Variants in OIP5 observed in about 807,000 individuals in gnomAD.
OIP5 encodes Opa interacting protein 5.
In OIP5, 24 loss-of-function variants were observed where a neutral mutation model predicts 20.3. That is an observed-to-expected ratio of 1.18 (90% CI 0.86 to 1.66). The LOEUF (loss-of-function observed/expected upper bound fraction) is 1.66. Ranked by LOEUF, OIP5 falls within the 40% of genes most tolerant of loss-of-function variation. OIP5 has a pLI of 0.00. For synonymous variants in OIP5, 143 were observed against 121.3 expected (o/e 1.18, Z -1.17); for missense variants, 339 against 289.5 (o/e 1.17, Z -1.24).
intron 2 of OIP5, among the ~76,000 whole-genome samples, chr15:41,321,916 T>G (rs920023319): frequency 3.0e-5 from 4 of 132,888 alleles, no homozygotes; most frequent in African/African-American, 6.2e-5. Flanking sequence ...CCAAGAATGA[T>G]CAATAAAAAA....
intron 3 of OIP5, 103 bp from the exon 4 acceptor site, chr15:41,313,457 T>C: frequency 1.6e-6 from 1 of 636,904 alleles, no homozygotes; most frequent in Non-Finnish European, 2.7e-6. Flanking sequence ...AAAGCCTGGC[T>C]TCTTAATGAT....
In OIP5 at chr15:41,313,367, A is replaced by C. The variant is rs781409805; in HGVS notation, c.513-13T>G. 7 of 1,418,132 alleles carry C rather than the reference A, an allele frequency of 4.9e-6. No homozygotes were observed. The highest frequency in any genetic ancestry group is 5.9e-6 in the Non-Finnish European group (6 of 1,011,296). 87.8% of individuals were successfully genotyped at this position (1,418,132 alleles called of 1,614,324 possible). On this transcript the variant is annotated splice_polypyrimidine_tract_variant and intron_variant, in intron 3 of 4. Transcript: ENST00000220514. ...TTTTAAGAGATAGCTAGATAGGAAA[A>C]AAGAAAAATATTAGTGTCATACCAT...
At chr15:41,329,355 G>A (rs1362244772) in intron 2 of OIP5, among the ~76,000 whole-genome samples, 1 of 141,118 alleles carries the variant, frequency 7.1e-6, no homozygotes, top group Non-Finnish European at 1.5e-5. Context: ...TCGATCTGTC[G>A]TCCAGGCTGG....
intron 2 of OIP5, among the ~76,000 whole-genome samples, chr15:41,321,299 TG>T (rs1047926596): frequency 1.5e-5 from 2 of 132,932 alleles, no homozygotes; most frequent in Non-Finnish European, 3.2e-5. Context: ...TGGAGGGAGG[TG>T]GGGGGGTCAG....
In OIP5 at chr15:41,312,776, G is replaced by A. The variant is rs142572063; in HGVS notation, c.594+497C>T. Among the ~76,000 whole-genome samples, 606 of 152,000 alleles carry A rather than the reference G, an allele frequency of 4.0e-3. 4 individuals are homozygous for A. The highest frequency in any genetic ancestry group is 0.014 in the African/African-American group (579 of 41,454). ...CCCGAGTAGCTGGGACTACAGGCAC[G>A]TGCCACCACGCCCGGCTAATTTTTT... is the stretch of plus-strand genomic sequence containing the variant. On this transcript the variant is annotated intron_variant, in intron 4 of 4. Coordinates refer to ENST00000220514, the MANE Select transcript of OIP5 (RefSeq NM_007280.2).
chr15:41,327,377 C>A (rs902435198), intron 2 of OIP5, among the ~76,000 whole-genome samples: 2 of 151,938 alleles, frequency 1.3e-5, no homozygotes, highest in African/African-American at 4.8e-5. Context: ...TGGGGTTTCG[C>A]TATGTCATCC....
chr15:41,314,024 T>C (rs1337774216), intron 3 of OIP5, among the ~76,000 whole-genome samples: 9 of 152,130 alleles, frequency 5.9e-5, no homozygotes, highest in Admixed American at 5.9e-4. Flanking sequence ...ACTTCATCAG[T>C]AGGATCCTGT....
intron 2 of OIP5, among the ~76,000 whole-genome samples, chr15:41,331,478 G>T (rs1405273996): frequency 6.6e-6 from 1 of 152,156 alleles, no homozygotes; most frequent in African/African-American, 2.4e-5. Context: ...CAGCTACTCC[G>T]GAGGGTGAGG....
chr15:41,318,307 G>A (rs558825209), intron 3 of OIP5, among the ~76,000 whole-genome samples: 5 of 152,236 alleles, frequency 3.3e-5, no homozygotes, highest in East Asian at 1.9e-4. Flanking sequence ...GACCACAGGC[G>A]TGTGCCACCA....
At chr15:41,324,226 T>A (rs1453638464) in intron 2 of OIP5, among the ~76,000 whole-genome samples, 1 of 151,678 alleles carries the variant, frequency 6.6e-6, no homozygotes, top group African/African-American at 2.4e-5. Context: ...AACTCCTGGG[T>A]TCAACCAGTC....
chr15:41,321,108 T>G, intron 2 of OIP5, among the ~76,000 whole-genome samples: 1 of 123,478 alleles, frequency 8.1e-6, no homozygotes, highest in Non-Finnish European at 1.9e-5. Context: ...ATCTGGGAAG[T>G]GAGGAGCGTC....
intron 2 of OIP5, among the ~76,000 whole-genome samples, chr15:41,325,194 G>A (rs2047854043): frequency 6.6e-6 from 1 of 151,882 alleles, no homozygotes; most frequent in Non-Finnish European, 1.5e-5. Flanking sequence ...CATGAGGTCA[G>A]GAGATCAAGA....
chr15:41,321,020 T>G (rs1407371280), intron 2 of OIP5, among the ~76,000 whole-genome samples: 1 of 144,418 alleles, frequency 6.9e-6, no homozygotes, highest in Non-Finnish European at 1.5e-5. Flanking sequence ...CTGCCCCATC[T>G]TGAGAAGTGA....
intron 2 of OIP5, among the ~76,000 whole-genome samples, chr15:41,330,565 G>A (rs997673611): frequency 1.6e-4 from 25 of 151,960 alleles, no homozygotes; most frequent in African/African-American, 5.8e-4. Context: ...CACTATGCCT[G>A]GCTAATTTTT....
chr15:41,320,998 G>A (rs2047820369), intron 2 of OIP5, among the ~76,000 whole-genome samples: 2 of 148,144 alleles, frequency 1.4e-5, no homozygotes, highest in South Asian at 2.2e-4. Context: ...GGTGAGGAGC[G>A]TCTCTGCCCG....
Position 41,331,965 on chromosome 15 carries a change from G to A in OIP5, c.339C>T (p.Val113=). The change falls in exon 2 of 5, where the codon GTC becomes GTT. Residue 113 remains valine, a synonymous_variant. Transcript: ENST00000220514. ...AVVFSRVTNN[V]VLEAPFLVGI... The stretch of plus-strand genomic sequence containing the variant: ...CAACTAGGAAGGGCGCTTCCAAAAC[G>A]ACGTTATTTGTAACTCCTAGGAAGA... 1 of 1,613,904 alleles carries A rather than the reference G, an allele frequency of 6.2e-7. No individual in the cohort carries two copies. Among genetic ancestry groups the A allele is most frequent in the East Asian group, 2.2e-5 (1 of 44,872 alleles).
chr15:41,322,166 T>C (rs1346580706), intron 2 of OIP5, among the ~76,000 whole-genome samples: 1 of 152,138 alleles, frequency 6.6e-6, no homozygotes, highest in Non-Finnish European at 1.5e-5. Flanking sequence ...TCAGGCACAG[T>C]GGTTCACACC....
In OIP5 at chr15:41,319,760, C is replaced by T. The variant is rs762490606; in HGVS notation, c.410G>A (p.Cys137Tyr). ...LKGSTYNLLFCGSCGIPVGFH... is the reference protein window; with the variant it reads ...LKGSTYNLLFYGSCGIPVGFH... ...ACCAACGGGAATCCCACAAGAACCA[C>T]AGAATAAAAGGTTGTAAGTACTAGG... Residue 137 changes from cysteine (C) to tyrosine (Y), a missense_variant, in exon 3 of 5, where the codon TGT becomes TAT. Physicochemically the swap from Cys to Tyr is radical, Grantham distance 194. Coordinates refer to ENST00000220514, the MANE Select transcript of OIP5 (RefSeq NM_007280.2). The T allele has an allele frequency of 1.9e-6, 3 of 1,612,970 alleles. No homozygotes were observed. The highest frequency in any genetic ancestry group is 2.2e-5 in the South Asian group (2 of 90,972).
At position 41,309,849 on chromosome 15, in the gene OIP5, G is replaced by T; in HGVS notation, c.595C>A (p.Leu199Met). Residue 199 changes from leucine (L) to methionine (M), a missense_variant and splice_region_variant, in exon 5 of 5, where the codon CTG becomes ATG. By Grantham distance (15) the Leu-to-Met change is conservative. Coordinates refer to ENST00000220514, the MANE Select transcript of OIP5 (RefSeq NM_007280.2). ...NVPLSEKIAE[L>M]KEKIVLTHNR... ...TGCGTTAGCACTATCTTCTCTTTCA[G>T]CTAGGAAGAGAAATATATAGATATC... 6.3e-7 allele frequency: 1 copy of T among 1,595,138 alleles called. No individual in the cohort carries two copies. Among genetic ancestry groups the T allele is most frequent in the East Asian group, 2.2e-5 (1 of 44,782 alleles).
Sources: gnomAD v4.1 joint callset for allele counts (sites outside exome capture counted in the v4.1 genomes callset) on GRCh38, gnomAD v4.1.1 for gene constraint, MANE v1.5 for transcripts, NCBI Gene and HGNC (gene_info 2026-07-23, HGNC 2026-07-21) for gene names.